Variants in VTN observed in about 807,000 individuals in gnomAD.
VTN encodes the protein vitronectin, also known as complement S-protein.
In VTN, 45 loss-of-function variants were observed where a neutral mutation model predicts 55.9. The ratio of observed to expected loss-of-function variants is 0.80; its 90% CI spans 0.63 to 1.03. The LOEUF (loss-of-function observed/expected upper bound fraction) is 1.03. Ranked by LOEUF, VTN falls within the 50% of genes least tolerant of loss-of-function variation. The probability of loss-of-function intolerance (pLI) is 0.00; values close to 1 mark genes in which losing one functional copy is unlikely to be tolerated. For synonymous variants in VTN, 238 were observed against 242.3 expected (o/e 0.98, Z 0.17); for missense variants, 589 against 638.2 (o/e 0.92, Z 0.83).
intron 7 of VTN, 95 bp downstream of exon 7, chr17:28,367,620 G>T: frequency 6.9e-7 from 1 of 1,443,898 alleles, no homozygotes. Context: ...GGCTTTCTGT[G>T]GTCACTACTT....
Position 28,368,944 on chromosome 17 carries a change from C to T in VTN, c.754G>A (p.Asp252Asn), listed in dbSNP as rs2067930229. The part of the protein sequence containing the change: ...NISDGFDGIP[D>N]NVDAALALPA... ...AGGGCCAAGGCTGCATCCACGTTGT[C>T]CGGGATGCCATCGAAGCCGTCAGAG... is the stretch of plus-strand genomic sequence containing the variant. Residue 252 changes from aspartate (D) to asparagine (N), a missense_variant, in exon 5 of 8, where the codon GAC becomes AAC. Around this residue, in one of 3 missense-constraint regions of VTN, gnomAD observed 334 missense variants for 328.2 expected, o/e 1.02. Transcript: ENST00000226218. The T allele has an allele frequency of 6.2e-7, 1 of 1,602,268 alleles. No individual in the cohort carries two copies. The highest frequency in any genetic ancestry group is 8.5e-7 in the Non-Finnish European group (1 of 1,177,016).
chr17:28,368,651 C>G lies in VTN; in HGVS notation c.849G>C (p.Gln283His). 4 of 1,613,850 alleles carry G rather than the reference C, an allele frequency of 2.5e-6. No individual in the cohort carries two copies. Among genetic ancestry groups the G allele is most frequent in the Non-Finnish European group, 2.5e-6 (3 of 1,180,012 alleles). The part of the protein sequence containing the change: ...FFKGKQYWEY[Q>H]FQHQPSQEEC... ...CCTCCTGACTGGGCTGGTGCTGGAA[C>G]TGGTACTCCCAGTACTGTTTCCCTG... is the stretch of plus-strand genomic sequence containing the variant. Residue 283 changes from glutamine to histidine, a missense_variant, in exon 6 of 8, where the codon CAG (glutamine) becomes CAC (histidine). Physicochemically the swap from Gln to His is conservative, Grantham distance 24. Around this residue, in one of 3 missense-constraint regions of VTN, gnomAD observed 334 missense variants for 328.2 expected, o/e 1.02. Transcript: ENST00000226218.
In VTN at chr17:28,369,809, G is replaced by A. The variant is rs150757499; in HGVS notation, c.227C>T (p.Thr76Met). The A allele has an allele frequency of 1.2e-4, 199 of 1,613,840 alleles. No homozygotes were observed. The highest frequency in any genetic ancestry group is 1.9e-4 in the African/African-American group (14 of 75,040). The change falls in exon 3 of 8, where the codon ACG becomes ATG. Residue 76 changes from threonine (T) to methionine (M), a missense_variant. Physicochemically the swap from Thr to Met is moderately conservative, Grantham distance 81. Around this residue, in one of 3 missense-constraint regions of VTN, gnomAD observed 217 missense variants for 241.3 expected, o/e 0.90. Transcript: ENST00000226218. This position sits in a 1 kb window ranked among gnomAD's most constrained non-coding sequence, Gnocchi z 5.3. ...DVFTMPEDEY[T>M]VYDDGEEKNN... is the part of the protein sequence containing the mutation. ...TTTCTCCTCGCCATCGTCATAGACCGTGTACTCATCCTCCGGCATAGTGAA... is the reference window on the plus strand; with the variant it reads ...TTTCTCCTCGCCATCGTCATAGACCATGTACTCATCCTCCGGCATAGTGAA...
At position 28,368,970 on chromosome 17, in the gene VTN, A is replaced by G. The variant is rs113538498; in HGVS notation, c.728T>C (p.Ile243Thr). The stretch of plus-strand genomic sequence containing the variant: ...CGGGATGCCATCGAAGCCGTCAGAG[A>G]TATTTCGGGGGTAATCAGGGTCCAG... Reference protein sequence around the residue: ...GVLDPDYPRNISDGFDGIPDN... With the variant: ...GVLDPDYPRNTSDGFDGIPDN... Residue 243 changes from isoleucine (I) to threonine (T), a missense_variant, in exon 5 of 8, where the codon ATC becomes ACC. Physicochemically the swap from Ile to Thr is moderately conservative, Grantham distance 89. Coordinates refer to ENST00000226218, the MANE Select transcript of VTN (RefSeq NM_000638.4). 129 of 1,603,908 alleles carry G rather than the reference A, an allele frequency of 8.0e-5. No homozygotes were observed. Among genetic ancestry groups the G allele is most frequent in the Middle Eastern group, 3.3e-4 (2 of 6,004 alleles).
Position 28,370,248 on chromosome 17 carries a change from C to T in VTN, c.-45G>A. 1 of 1,582,244 alleles carries T rather than the reference C, an allele frequency of 6.3e-7. No homozygotes were observed. Among genetic ancestry groups the T allele is most frequent in the Non-Finnish European group, 8.6e-7 (1 of 1,160,486 alleles). On this transcript the variant is annotated 5_prime_UTR_variant, in exon 1 of 8. Transcript: ENST00000226218. ...TGCCTGGCAAGCTGGGCTCTGGTCT[C>T]CCTGAAGTCTCCGCTCTGATGCCTG...
At chr17:28,368,729 C>G in intron 5 of VTN, 56 bp from the exon 6 acceptor site, 3 of 1,609,824 alleles carry the variant, frequency 1.9e-6, no homozygotes, top group Non-Finnish European at 2.5e-6. Flanking sequence ...GACTGGAGAT[C>G]CCAGAGGCTG....
chr17:28,370,084 A>G lies in VTN; in HGVS notation c.65-38T>C, dbSNP rs1555583784. 8 of 1,613,808 alleles carry G rather than the reference A, an allele frequency of 5.0e-6. No individual in the cohort carries two copies. The South Asian group carries it at 8.8e-5, about 18-fold the overall frequency. ...AGTGTCAGTCGGTGCCACCAAGCCCAGACCACCCTCGCCCTCCCTACATTG... is the reference window on the plus strand; with the variant it reads ...AGTGTCAGTCGGTGCCACCAAGCCCGGACCACCCTCGCCCTCCCTACATTG... On this transcript the variant is annotated intron_variant, in intron 1 of 7. Transcript: ENST00000226218.
Position 28,369,204 on chromosome 17 carries a change from G to A in VTN, c.669+85C>T. 1 of 1,516,426 alleles carries A rather than the reference G, an allele frequency of 6.6e-7. No homozygotes were observed. The highest frequency in any genetic ancestry group is 2.2e-5 in the Admixed American group (1 of 44,948). The allele number at this position is 1,516,426 out of a possible 1,614,324, so 93.9% of individuals were successfully genotyped here. On this transcript the variant is annotated intron_variant, in intron 4 of 7. Transcript: ENST00000226218. This position sits in a 1 kb window ranked among gnomAD's most constrained non-coding sequence, Gnocchi z 5.3. ...CAGGTCCTGCAGGGCCCTGGGTCCA[G>A]CTTCCCTGTCCACCCTGTCCCTGGG...
Position 28,368,511 on chromosome 17 carries a change from C to G in VTN, c.979+10G>C. On this transcript the variant is annotated intron_variant, in intron 6 of 7. Coordinates refer to ENST00000226218, the MANE Select transcript of VTN (RefSeq NM_000638.4). Reference sequence around the variant, plus strand: ...TTGAGGGAGAAGCAAGACTTGCCCTCTCTCCATACCAGAGGTTCTGCCCCA... The same window carrying G: ...TTGAGGGAGAAGCAAGACTTGCCCTGTCTCCATACCAGAGGTTCTGCCCCA... The G allele has an allele frequency of 6.2e-7, 1 of 1,613,346 alleles. No individual in the cohort carries two copies. The highest frequency in any genetic ancestry group is 8.5e-7 in the Non-Finnish European group (1 of 1,179,620).
In VTN at chr17:28,367,454, G is replaced by A. The variant is rs782227939; in HGVS notation, c.1352C>T (p.Thr451Ile). 2 of 1,613,812 alleles carry A rather than the reference G, an allele frequency of 1.2e-6. No homozygotes were observed. Among genetic ancestry groups the A allele is most frequent in the Non-Finnish European group, 8.5e-7 (1 of 1,179,914 alleles). Residue 451 changes from threonine to isoleucine, a missense_variant, in exon 8 of 8, where the codon ACA (threonine) becomes ATA (isoleucine). Physicochemically the swap from Thr to Ile is moderately conservative, Grantham distance 89. Coordinates refer to ENST00000226218, the MANE Select transcript of VTN (RefSeq NM_000638.4). ...GDKYYRVNLR[T>I]RRVDTVDPPY... ...AGGGTCCACAGTGTCCACTCGCCGT[G>A]TGCGAAGATTGACTCGGTAGTACTT...
In VTN at chr17:28,367,809, G is replaced by T. The variant is rs1416195722; in HGVS notation, c.1230C>A (p.Ser410Arg). ...TWLSLFSSEE[S>R]NLGANNYDDY... ...CATCATAGTTGTTGGCTCCCAAGTT[G>T]CTCTCCTCACTGGAGAACAAGGACA... Residue 410 changes from serine to arginine, a missense_variant, in exon 7 of 8, where the codon AGC becomes AGA. Transcript: ENST00000226218. 4.3e-6 allele frequency: 7 copies of T among 1,614,052 alleles called. No individual in the cohort carries two copies. In the African/African-American group the frequency reaches 9.3e-5, roughly 22 times the overall value.
intron 7 of VTN, 107 bp from the exon 8 acceptor site, chr17:28,367,588 T>G (rs1246700322): frequency 1.0e-5 from 14 of 1,401,280 alleles, no homozygotes; most frequent in Admixed American, 1.9e-5. Context: ...ACATCCATGA[T>G]GCAGCTAAGG....
At position 28,368,585 on chromosome 17, in the gene VTN, A is replaced by G. The variant is rs782771077; in HGVS notation, c.915T>C (p.Phe305=). The change falls in exon 6 of 8, where the codon TTT becomes TTC. Residue 305 remains phenylalanine (F), a synonymous_variant. Transcript: ENST00000226218. ...GSSLSAVFEH[F]AMMQRDSWED... is the part of the protein sequence containing the mutation. ...CCCAGCTGTCCCGCTGCATCATGGC[A>G]AAGTGTTCAAACACAGCCGACAGGG... The G allele has an allele frequency of 1.2e-6, 2 of 1,614,030 alleles. No homozygotes were observed. Among genetic ancestry groups the G allele is most frequent in the South Asian group, 2.2e-5 (2 of 91,078 alleles).
Position 28,369,337 on chromosome 17 carries a change from A to G in VTN, c.621T>C (p.Asp207=). 6.2e-7 allele frequency: 1 copy of G among 1,607,644 alleles called. No homozygotes were observed. The highest frequency in any genetic ancestry group is 8.5e-7 in the Non-Finnish European group (1 of 1,175,230). The part of the protein sequence containing the change: ...RDVWGIEGPI[D]AAFTRINCQG... Reference sequence around the variant, plus strand: ...GACAGTTGATGCGGGTGAAGGCGGCATCGATGGGGCCCTCGATGCCCCAGA... The same window carrying G: ...GACAGTTGATGCGGGTGAAGGCGGCGTCGATGGGGCCCTCGATGCCCCAGA... Residue 207 remains aspartate, a synonymous_variant, in exon 4 of 8, where the codon GAT becomes GAC. Transcript: ENST00000226218. This position sits in a 1 kb window ranked among gnomAD's most constrained non-coding sequence, Gnocchi z 5.3.
At position 28,370,032 on chromosome 17, in the gene VTN, G is replaced by A. The variant is rs372230398; in HGVS notation, c.79C>T (p.Arg27Cys). 8.1e-6 allele frequency: 13 copies of A among 1,613,990 alleles called. No individual in the cohort carries two copies. Among genetic ancestry groups the A allele is most frequent in the South Asian group, 7.7e-5 (7 of 91,086 alleles). The change falls in exon 2 of 8, where the codon CGC becomes TGC. Residue 27 changes from arginine (R) to cysteine (C), a missense_variant. Arg to Cys is a radical substitution (Grantham distance 180). Coordinates refer to ENST00000226218, the MANE Select transcript of VTN (RefSeq NM_000638.4). Reference sequence around the variant, plus strand: ...TCCACGTTGAAGCCCTCAGTGCAGCGGCCCTTGCATGACTCTATGAGGAAG... The same window carrying A: ...TCCACGTTGAAGCCCTCAGTGCAGCAGCCCTTGCATGACTCTATGAGGAAG... ...ALADQESCKG[R>C]CTEGFNVDKK... is the part of the protein sequence containing the mutation.
At position 28,370,172 on chromosome 17, in the gene VTN, G is replaced by A. The variant is rs2067940787; in HGVS notation, c.32C>T (p.Ala11Val). MAPLRPLLIL[A>V]LLAWVALADQ... ...AGCCAGAGCAACCCATGCCAGCAGG[G>A]CCAGTATGAGAAGGGGTCTCAGGGG... The change falls in exon 1 of 8, where the codon GCC (alanine) becomes GTC (valine). Residue 11 changes from alanine to valine, a missense_variant. Ala to Val is a moderately conservative substitution (Grantham distance 64). Coordinates refer to ENST00000226218, the MANE Select transcript of VTN (RefSeq NM_000638.4). 6.2e-7 allele frequency: 1 copy of A among 1,613,736 alleles called. No homozygotes were observed.
Position 28,369,476 on chromosome 17 carries a change from C to A in VTN, c.529+31G>T. ...AGAGCAGGGACGCTCCTGGGGCAGA[C>A]CCGCATCCCCAGTACCTGCCCTGGA... On this transcript the variant is annotated intron_variant, in intron 3 of 7. Transcript: ENST00000226218. This position sits in a 1 kb window ranked among gnomAD's most constrained non-coding sequence, Gnocchi z 5.3. The A allele has an allele frequency of 6.3e-7, 1 of 1,591,756 alleles. No individual in the cohort carries two copies. Among genetic ancestry groups the A allele is most frequent in the Non-Finnish European group, 8.6e-7 (1 of 1,168,992 alleles).
In VTN at chr17:28,368,986, C is replaced by T. The variant is rs782520242; in HGVS notation, c.712G>A (p.Asp238Asn). The change falls in exon 5 of 8, where the codon GAT becomes AAT. Residue 238 changes from aspartate to asparagine, a missense_variant. Around this residue, in one of 3 missense-constraint regions of VTN, gnomAD observed 38 missense variants for 68.8 expected, o/e 0.55. Coordinates refer to ENST00000226218, the MANE Select transcript of VTN (RefSeq NM_000638.4). ...CCGTCAGAGATATTTCGGGGGTAAT[C>T]AGGGTCCAGGACACCATCCTCAAAG... is the stretch of plus-strand genomic sequence containing the variant. ...WRFEDGVLDP[D>N]YPRNISDGFD... 3.1e-6 allele frequency: 5 copies of T among 1,603,588 alleles called. No individual in the cohort carries two copies. The African/African-American group carries it at 5.4e-5, about 17-fold the overall frequency.
rs112195186 is a variant in VTN at position 28,367,891 on chromosome 17, C to G, written c.1148G>C (p.Arg383Pro). Residue 383 changes from arginine (R) to proline (P), a missense_variant, in exon 7 of 8, where the codon CGA becomes CCA. This residue lies in a region of VTN where 334 missense variants were observed against 328.2 expected (regional missense o/e 1.02). Transcript: ENST00000226218. ...HRNRKGYRSQ[R>P]GHSRGRNQNS... ...CTGGTTGCGGCCACGGCTGTGGCCT[C>G]GTTGTGAACGGTAGCCTTTGCGGTT... 2 of 1,613,376 alleles carry G rather than the reference C, an allele frequency of 1.2e-6. No homozygotes were observed. Among genetic ancestry groups the G allele is most frequent in the African/African-American group, 1.3e-5 (1 of 75,022 alleles).
Sources: allele counts gnomAD v4.1 joint callset, GRCh38; gene constraint gnomAD v4.1.1; regional missense constraint gnomAD v4.1.1; non-coding constraint Gnocchi (gnomAD v3.1); transcripts MANE v1.5; gene names NCBI Gene and HGNC (gene_info 2026-07-23, HGNC 2026-07-21).